The following RNF216 variants were observed in gnomAD, a reference collection of about 807,000 sequenced individuals.
RNF216 encodes the protein E3 ubiquitin-protein ligase RNF216.
A neutral mutation model predicts 110.8 loss-of-function variants in RNF216; 72 were observed. That is an observed-to-expected ratio of 0.65 (90% CI 0.54 to 0.79). The LOEUF (loss-of-function observed/expected upper bound fraction) is 0.79. RNF216 is among the 30% of genes least tolerant of loss of function. The pLI, the probability that RNF216 is intolerant of heterozygous loss-of-function variation, is 0.00. For synonymous variants in RNF216, 495 were observed against 407.5 expected (o/e 1.21, Z -2.59); for missense variants, 1,342 against 1,141.2 (o/e 1.18, Z -2.54).
intron 15 of RNF216, among the ~76,000 whole-genome samples, chr7:5,632,668 T>C (rs1452272037): frequency 1.3e-5 from 2 of 152,084 alleles, no homozygotes; most frequent in African/African-American, 4.8e-5. Context: ...TTCCAGCTAC[T>C]TGGGAGGCTG....
At chr7:5,679,815 C>T (rs1049805570) in intron 13 of RNF216, among the ~76,000 whole-genome samples, 3 of 152,102 alleles carry the variant, frequency 2.0e-5, no homozygotes, top group African/African-American at 4.8e-5. Flanking sequence ...ATCTTTAGAC[C>T]CTCAGCAGGA....
chr7:5,622,597 G>A lies in RNF216; in HGVS notation c.*263C>T, dbSNP rs1245573088. ...CCATGGACAAGGCAGAAGGACTGCCGTTGGTGGCCTGGGGGATGCGAGGGG... is the reference window on the plus strand; with the variant it reads ...CCATGGACAAGGCAGAAGGACTGCCATTGGTGGCCTGGGGGATGCGAGGGG... On this transcript the variant is annotated 3_prime_UTR_variant, in exon 17 of 17. Coordinates refer to ENST00000389902, the MANE Select transcript of RNF216 (RefSeq NM_207111.4). The A allele has an allele frequency of 4.2e-6, 2 of 476,024 alleles. No individual in the cohort carries two copies. The highest frequency in any genetic ancestry group is 3.4e-5 in the East Asian group (1 of 29,620). 29.5% of individuals were successfully genotyped at this position (476,024 alleles called of 1,614,324 possible). A position where few individuals can be genotyped will look rare whatever the true frequency, so the allele number is the denominator to read the frequency against.
In RNF216 at chr7:5,652,416, G is replaced by T; in HGVS notation, c.2156C>A (p.Ser719Tyr). ...AEKDDIKYRT[S>Y]IEEKMTAARI... Reference sequence around the variant, plus strand: ...CCCTCTGAATTCTGTTACTCACATAGAGGTACGGTACTTGATGTCGTCTTT... The same window carrying T: ...CCCTCTGAATTCTGTTACTCACATATAGGTACGGTACTTGATGTCGTCTTT... The change falls in exon 14 of 17, where the codon TCT (serine) becomes TAT (tyrosine). Residue 719 changes from serine to tyrosine, a missense_variant. Transcript: ENST00000389902. 1.9e-6 allele frequency: 3 copies of T among 1,605,576 alleles called. No individual in the cohort carries two copies. The highest frequency in any genetic ancestry group is 2.6e-6 in the Non-Finnish European group (3 of 1,172,322).
intron 4 of RNF216, among the ~76,000 whole-genome samples, chr7:5,740,709 G>A (rs1359569552): frequency 6.6e-6 from 1 of 151,910 alleles, no homozygotes; most frequent in African/African-American, 2.4e-5. Flanking sequence ...AAAAAACAAG[G>A]GACTGCAGGT....
At chr7:5,677,602 T>C (rs1480522483) in intron 13 of RNF216, among the ~76,000 whole-genome samples, 1 of 152,206 alleles carries the variant, frequency 6.6e-6, no homozygotes, top group Non-Finnish European at 1.5e-5. Context: ...CTTTTATATT[T>C]GTGTTAGCAT....
chr7:5,648,506 A>G (rs1235993459), intron 14 of RNF216, among the ~76,000 whole-genome samples: 1 of 151,530 alleles, frequency 6.6e-6, no homozygotes, highest in Non-Finnish European at 1.5e-5. Context: ...CAGGCGGATC[A>G]TGAGGTCAGG....
intron 5 of RNF216, 136 bp from the exon 6 acceptor site, chr7:5,730,953 AG>A: frequency 7.5e-7 from 1 of 1,338,410 alleles, no homozygotes; most frequent in African/African-American, 1.5e-5. Flanking sequence ...AGATGTTTGT[AG>A]CCCAGAAAAA....
intron 2 of RNF216, among the ~76,000 whole-genome samples, chr7:5,754,796 G>T (rs1390764326): frequency 6.6e-6 from 1 of 152,120 alleles, no homozygotes; most frequent in Non-Finnish European, 1.5e-5. Flanking sequence ...GGGAGGCCTA[G>T]ACAGGCAGAT....
rs144654379 is a variant in RNF216 at position 5,715,132 on chromosome 7, G to A, written c.1754C>T (p.Thr585Met). The change falls in exon 11 of 17, where the codon ACG (threonine) becomes ATG (methionine). Residue 585 changes from threonine to methionine, a missense_variant. Coordinates refer to ENST00000389902, the MANE Select transcript of RNF216 (RefSeq NM_207111.4). Reference protein sequence around the residue: ...CYGEFPFEELTQCADAHLFCK... With the variant: ...CYGEFPFEELMQCADAHLFCK... ...GAACAAGTGAGCATCTGCGCACTGC[G>A]TCAGCTCCTCGAATGGAAATTCCCC... 5.6e-6 allele frequency: 9 copies of A among 1,613,734 alleles called. No individual in the cohort carries two copies. Among genetic ancestry groups the A allele is most frequent in the South Asian group, 1.1e-5 (1 of 91,080 alleles).
intron 13 of RNF216, among the ~76,000 whole-genome samples, chr7:5,704,981 G>A (rs1284405954): frequency 1.3e-5 from 2 of 152,120 alleles, no homozygotes; most frequent in Non-Finnish European, 2.9e-5. Context: ...ACGTTGCTGA[G>A]GGGCATAAAA....
chr7:5,680,415 G>A lies in RNF216; in HGVS notation c.2062-27905C>T, dbSNP rs1790575299. 1 of 152,098 alleles carries A rather than the reference G, an allele frequency of 6.6e-6. No individual in the cohort carries two copies. Among genetic ancestry groups the A allele is most frequent in the African/African-American group, 2.4e-5 (1 of 41,410 alleles). 9.4% of individuals were successfully genotyped at this position (152,098 alleles called of 1,614,324 possible). A position where few individuals can be genotyped will look rare whatever the true frequency, so the allele number is the denominator to read the frequency against. On this transcript the variant is annotated intron_variant, in intron 13 of 16. Coordinates refer to ENST00000389902, the MANE Select transcript of RNF216 (RefSeq NM_207111.4). This position sits in a 1 kb window ranked among gnomAD's most constrained non-coding sequence, Gnocchi z 4.3. Reference sequence around the variant, plus strand: ...GTTACTCAACACTTCTTTTTTTGTTGTTGTTGAGACGGAGTCTTGCCCTGT... The same window carrying A: ...GTTACTCAACACTTCTTTTTTTGTTATTGTTGAGACGGAGTCTTGCCCTGT...
intron 13 of RNF216, among the ~76,000 whole-genome samples, chr7:5,679,972 G>T (rs1455496262): frequency 6.6e-6 from 1 of 152,168 alleles, no homozygotes; most frequent in Admixed American, 6.5e-5. Context: ...AGGGTCCTGG[G>T]AGTCTCTTGC....
chr7:5,667,243 CTG>C, intron 13 of RNF216, among the ~76,000 whole-genome samples: 1 of 152,294 alleles, frequency 6.6e-6, no homozygotes, highest in South Asian at 2.1e-4. Context: ...TTTTATAAAA[CTG>C]TTTCTGTTCC....
At chr7:5,664,872 C>T (rs528278930) in intron 13 of RNF216, among the ~76,000 whole-genome samples, 27 of 152,246 alleles carry the variant, frequency 1.8e-4, no homozygotes, top group African/African-American at 6.3e-4. Flanking sequence ...CTTGGCTCAC[C>T]GCAACCTCCA....
At chr7:5,725,808 C>CCACTG (rs1288070729) in intron 7 of RNF216, among the ~76,000 whole-genome samples, 1 of 149,546 alleles carries the variant, frequency 6.7e-6, no homozygotes, top group East Asian at 1.9e-4. Context: ...CGAGACTGCA[C>CCACTG]CACTGCACTG....
At chr7:5,623,484 T>C (rs1786518540) in intron 16 of RNF216, among the ~76,000 whole-genome samples, 1 of 150,834 alleles carries the variant, frequency 6.6e-6, no homozygotes, top group Non-Finnish European at 1.5e-5. Context: ...TTTTTTTTAA[T>C]AGATGGGGTT....
chr7:5,734,264 T>C (rs1584534765), intron 5 of RNF216, among the ~76,000 whole-genome samples: 1 of 152,178 alleles, frequency 6.6e-6, no homozygotes, highest in East Asian at 1.9e-4. Context: ...GGAATACCAT[T>C]TAGCAATGGA....
At chr7:5,665,356 T>C (rs866815146) in intron 13 of RNF216, among the ~76,000 whole-genome samples, 2 of 152,128 alleles carry the variant, frequency 1.3e-5, no homozygotes, top group Admixed American at 6.6e-5. Flanking sequence ...AAGGGCTTCT[T>C]TGGGGAAGAT....
chr7:5,663,319 G>C (rs1214371037), intron 13 of RNF216, among the ~76,000 whole-genome samples: 1 of 152,166 alleles, frequency 6.6e-6, no homozygotes, highest in Non-Finnish European at 1.5e-5. Flanking sequence ...GGTGGCTTAC[G>C]CCTGTAATCC....
Sources: allele counts gnomAD v4.1 joint callset (sites outside exome capture counted in the v4.1 genomes callset), GRCh38; gene constraint gnomAD v4.1.1; non-coding constraint Gnocchi (gnomAD v3.1); transcripts MANE v1.5; gene names NCBI Gene and HGNC (gene_info 2026-07-23, HGNC 2026-07-21).